TSPEAR: variants seen among roughly 807,000 people sequenced by gnomAD.
TSPEAR encodes thrombospondin-type laminin G domain and EAR repeat-containing protein.
In TSPEAR, 69 loss-of-function variants were observed where a neutral mutation model predicts 71.6. That is an observed-to-expected ratio of 0.96 (90% CI 0.79 to 1.18). TSPEAR has a LOEUF of 1.18. Among genes scored for constraint, TSPEAR ranks in the 50% most tolerant of loss-of-function variants. The pLI, the probability that TSPEAR is intolerant of heterozygous loss-of-function variation, is 0.00. For synonymous variants in TSPEAR, 402 were observed against 387.2 expected, an observed-to-expected ratio of 1.04 and a Z score of -0.45; for missense variants, 971 against 894.9, an observed-to-expected ratio of 1.09 and a Z score of -1.09.
At chr21:44,626,842 G>T (rs1046218759) in intron 1 of TSPEAR, among the ~76,000 whole-genome samples, 15 of 145,822 alleles carry the variant, frequency 1.0e-4, no homozygotes, top group Non-Finnish European at 2.0e-4. Flanking sequence ...CCCACCAGAC[G>T]CCCACAGCCG....
intron 1 of TSPEAR, among the ~76,000 whole-genome samples, chr21:44,585,512 A>C (rs1979282209): frequency 6.6e-6 from 1 of 151,966 alleles, no homozygotes; most frequent in Non-Finnish European, 1.5e-5. Flanking sequence ...AGAATCACAG[A>C]CCCTGAGTCT....
intron 1 of TSPEAR, among the ~76,000 whole-genome samples, chr21:44,701,411 G>A (rs926345607): frequency 6.6e-6 from 1 of 152,204 alleles, no homozygotes; most frequent in African/African-American, 2.4e-5. Flanking sequence ...GACTGGGGAG[G>A]GGGATGGTTT....
At chr21:44,697,947 G>A (rs1987461370) in intron 1 of TSPEAR, 2 of 1,606,496 alleles carry the variant, frequency 1.2e-6, no homozygotes, top group African/African-American at 2.7e-5. Flanking sequence ...TGAGGCCTCT[G>A]CTCAGGCCAG....
intron 2 of TSPEAR, among the ~76,000 whole-genome samples, chr21:44,556,520 G>A (rs897580808): frequency 5.3e-5 from 8 of 152,186 alleles, no homozygotes; most frequent in East Asian, 1.9e-4. Context: ...GTGAAACCCC[G>A]TCTTTACTAA....
rs782058342 is a variant in TSPEAR at position 44,612,672 on chromosome 21, C to G, written c.83-44667G>C. 1 of 1,614,160 alleles carries G rather than the reference C, an allele frequency of 6.2e-7. No individual in the cohort carries two copies. Among genetic ancestry groups the G allele is most frequent in the Non-Finnish European group, 8.5e-7 (1 of 1,180,018 alleles). On this transcript the variant is annotated intron_variant, in intron 1 of 11. Coordinates refer to ENST00000323084, the MANE Select transcript of TSPEAR (RefSeq NM_144991.3). This position sits in a 1 kb window ranked among gnomAD's most constrained non-coding sequence, Gnocchi z 4.1. ...GCTTCCTCTCTGTGCTGCCAGAAGT[C>G]TAGCTGCCAGCCGGCTTGCTGCACC...
intron 1 of TSPEAR, among the ~76,000 whole-genome samples, chr21:44,689,419 G>C (rs923374607): frequency 6.6e-6 from 1 of 151,010 alleles, no homozygotes; most frequent in African/African-American, 2.4e-5. Flanking sequence ...GGAGAATGGC[G>C]TGAACCTGGG....
intron 2 of TSPEAR, chr21:44,558,335 G>C: frequency 1.2e-6 from 2 of 1,613,386 alleles, no homozygotes; most frequent in Non-Finnish European, 1.7e-6. Flanking sequence ...CAGAGCAGAC[G>C]GGCACACAGC....
intron 1 of TSPEAR, among the ~76,000 whole-genome samples, chr21:44,693,350 T>A (rs537618513): frequency 1.3e-5 from 2 of 152,048 alleles, no homozygotes; most frequent in Non-Finnish European, 2.9e-5. Context: ...AAAGAAAAAA[T>A]AAATTGGACT....
At chr21:44,657,325 T>C (rs1295166592) in intron 1 of TSPEAR, among the ~76,000 whole-genome samples, 5 of 152,244 alleles carry the variant, frequency 3.3e-5, no homozygotes, top group Admixed American at 1.3e-4. Context: ...TAACTTCTTG[T>C]ATAGATTACT....
chr21:44,537,826 A>G (rs2053114719), intron 2 of TSPEAR, among the ~76,000 whole-genome samples: 1 of 152,224 alleles, frequency 6.6e-6, no homozygotes, highest in African/African-American at 2.4e-5. Context: ...ACATAGCCTG[A>G]TAAGAAATGG....
chr21:44,510,207 CGGGGAA>C lies in TSPEAR; in HGVS notation c.1567-827_1567-822del, dbSNP rs1156850600. Among the ~76,000 whole-genome samples, 14 of 152,204 alleles carry C rather than the reference CGGGGAA, an allele frequency of 9.2e-5. No individual in the cohort carries two copies. The South Asian group carries it at 2.5e-3, about 27-fold the overall frequency. On this transcript the variant is annotated intron_variant, in intron 9 of 11. Transcript: ENST00000323084. Reference sequence around the variant, plus strand: ...TGGGGATAAGGGTGGTGGGGCTGCACGGGGAAGGGGAAGGCTGCTTCCCTGGGGACA... The same window carrying C: ...TGGGGATAAGGGTGGTGGGGCTGCACGGGGAAGGCTGCTTCCCTGGGGACA...
At chr21:44,702,984 A>G (rs1987729959) in intron 1 of TSPEAR, among the ~76,000 whole-genome samples, 1 of 152,122 alleles carries the variant, frequency 6.6e-6, no homozygotes, top group South Asian at 2.1e-4. Flanking sequence ...CCAGGAAACC[A>G]TGAGACAGCC....
intron 9 of TSPEAR, chr21:44,518,697 T>C (rs1555913859): frequency 6.4e-6 from 3 of 470,612 alleles, no homozygotes; most frequent in South Asian, 4.6e-5. Flanking sequence ...ATTCGTTAGA[T>C]GATTGGAAGT....
chr21:44,574,642 C>A, intron 1 of TSPEAR: 2 of 1,293,930 alleles, frequency 1.5e-6, no homozygotes, highest in Non-Finnish European at 2.1e-6. Context: ...GGGGCTTCCT[C>A]TCTGTGCTGC....
intron 1 of TSPEAR, chr21:44,658,254 C>A: frequency 1.9e-6 from 3 of 1,613,552 alleles, no homozygotes; most frequent in Non-Finnish European, 2.5e-6. Flanking sequence ...TCCTGCAGCA[C>A]CCCTTCCTGC....
intron 1 of TSPEAR, chr21:44,601,929 T>G: frequency 1.0e-5 from 8 of 787,308 alleles, no homozygotes; most frequent in African/African-American, 3.5e-5. Flanking sequence ...TTCCCCCAAT[T>G]ACCCAGCCCT....
chr21:44,672,453 C>G (rs28786175), intron 1 of TSPEAR, among the ~76,000 whole-genome samples: 29,005 of 152,032 alleles, frequency 0.19, 2,868 homozygotes, highest in Non-Finnish European at 0.21. Flanking sequence ...GCCTGTAGTC[C>G]CAGCTACTCG....
At chr21:44,709,377 C>T (rs1221973871) in intron 1 of TSPEAR, among the ~76,000 whole-genome samples, 1 of 152,270 alleles carries the variant, frequency 6.6e-6, no homozygotes, top group Non-Finnish European at 1.5e-5. Context: ...CAGGCTTGTC[C>T]TCCCTTGCTG....
chr21:44,647,374 C>A, intron 1 of TSPEAR: 1 of 1,608,200 alleles, frequency 6.2e-7, no homozygotes, highest in Non-Finnish European at 8.5e-7. Flanking sequence ...TCCTTGTCTC[C>A]TGCTGACTGT....
Sources: gnomAD v4.1 joint callset for allele counts (sites outside exome capture counted in the v4.1 genomes callset) on GRCh38, gnomAD v4.1.1 for gene constraint, Gnocchi (gnomAD v3.1) non-coding constraint, MANE v1.5 for transcripts, NCBI Gene and HGNC (gene_info 2026-07-23, HGNC 2026-07-21) for gene names.